Variants in MAP7D2 observed in about 807,000 individuals in gnomAD.
MAP7D2 encodes the protein MAP7 domain containing 2.
In MAP7D2, 33 loss-of-function variants were observed where a neutral mutation model predicts 63.5. The observed-to-expected ratio is 0.52, with a 90% confidence interval of 0.39 to 0.70. MAP7D2 has a LOEUF of 0.70. MAP7D2 is among the 30% of genes least tolerant of loss of function. The probability of loss-of-function intolerance (pLI) is 0.00; values close to 1 mark genes in which losing one functional copy is unlikely to be tolerated. For missense variants in MAP7D2, 626 were observed against 604.0 expected, an observed-to-expected ratio of 1.04 and a Z score of -0.38; for synonymous variants, 224 against 223.7, an observed-to-expected ratio of 1.00 and a Z score of -0.01.
Position 20,063,550 on chromosome X carries a change from T to C in MAP7D2, c.236A>G (p.Lys79Arg). 1 of 1,211,755 alleles carries C rather than the reference T, an allele frequency of 8.3e-7. No individual in the cohort carries two copies. The highest frequency in any genetic ancestry group is 1.1e-6 in the Non-Finnish European group (1 of 895,439). ...GTACTGCAGCCTGGCTCTTTTCTGT[T>C]TCTCCAGGATCTGTTGCTCCCGAGC... ...LAAREQQILE[K>R]QKRARLQYEK... The change falls in exon 3 of 17, where the codon AAA (lysine) becomes AGA (arginine). Residue 79 changes from lysine to arginine, a missense_variant. Physicochemically the swap from Lys to Arg is conservative, Grantham distance 26. Transcript: ENST00000379643.
chrX:20,044,916 A>G (rs2064754886), intron 6 of MAP7D2, among the ~76,000 whole-genome samples: 1 of 111,730 alleles, frequency 9.0e-6, no homozygotes, highest in African/African-American at 3.3e-5. Context: ...CTGAGAACTT[A>G]GATTTCAGGA....
rs538148590 is a variant in MAP7D2 at position 20,078,290 on chromosome X, T to C, written c.131-13485A>G. Among the ~76,000 whole-genome samples, 5 of 112,627 alleles carry C rather than the reference T, an allele frequency of 4.4e-5. No homozygotes were observed. In the South Asian group the frequency reaches 1.8e-3, roughly 41 times the overall value. ...AAATATTATTTAATGCTCACAATAC[T>C]CCTAGGAGGTGGGAGGCACCCCCAT... On this transcript the variant is annotated intron_variant, in intron 1 of 16. Coordinates refer to ENST00000379643, the MANE Select transcript of MAP7D2 (RefSeq NM_001168465.2).
intron 4 of MAP7D2, among the ~76,000 whole-genome samples, chrX:20,053,697 C>G (rs1045043538): frequency 9.0e-6 from 1 of 111,371 alleles, no homozygotes; most frequent in Non-Finnish European, 1.9e-5. Flanking sequence ...AGCCTGAGGC[C>G]AAAAGAAAAA....
chrX:20,010,155 A>AAG (rs2073141640), intron 16 of MAP7D2, among the ~76,000 whole-genome samples: 1 of 112,429 alleles, frequency 8.9e-6, no homozygotes, highest in Admixed American at 9.4e-5. Context: ...ATACCTTACT[A>AAG]CAGAGTGTAT....
chrX:20,063,365 A>T, intron 3 of MAP7D2, 49 bp downstream of exon 3: 1 of 1,183,583 alleles, frequency 8.4e-7, no homozygotes, highest in African/African-American at 1.8e-5. Flanking sequence ...CACTCTGAGC[A>T]GCCTGCTGAG....
intron 7 of MAP7D2, among the ~76,000 whole-genome samples, chrX:20,043,885 C>T (rs1003474252): frequency 8.9e-6 from 1 of 111,764 alleles, no homozygotes; most frequent in African/African-American, 3.3e-5. Context: ...GTAGTCCCAG[C>T]TACTCAGGAG....
chrX:20,057,312 G>A (rs1046400077), intron 3 of MAP7D2, among the ~76,000 whole-genome samples: 5 of 111,327 alleles, frequency 4.5e-5, no homozygotes, highest in Non-Finnish European at 7.5e-5. Context: ...ATAGTGTGAC[G>A]CTTTTCTGCT....
rs183357754 is a variant in MAP7D2, at chrX:20,031,275, G to A, written c.1008-5323C>T. On this transcript the variant is annotated intron_variant, in intron 8 of 16. Coordinates refer to ENST00000379643, the MANE Select transcript of MAP7D2 (RefSeq NM_001168465.2). Reference sequence around the variant, plus strand: ...ACTGCACTCCAGCCTCAGTGACAGAGGGAGTCACCATCTCGAAAAATAAAA... The same window carrying A: ...ACTGCACTCCAGCCTCAGTGACAGAAGGAGTCACCATCTCGAAAAATAAAA... 2.4e-3 allele frequency among the ~76,000 whole-genome samples: 251 copies of A among 104,582 alleles called. 1 individual carries two copies. Among genetic ancestry groups the A allele is most frequent in the African/African-American group, 8.2e-3 (238 of 28,884 alleles). The allele number at this position is 104,582 out of a possible 115,157, so 90.8% of individuals were successfully genotyped here.
chrX:20,084,562 T>TCCCTCC (rs1394581332), intron 1 of MAP7D2, among the ~76,000 whole-genome samples: 1 of 23,437 alleles, frequency 4.3e-5, no homozygotes, highest in African/African-American at 1.7e-4. Flanking sequence ...CCTCCCTCCC[T>TCCCTCC]CTCTCTCTCT....
intron 1 of MAP7D2, among the ~76,000 whole-genome samples, chrX:20,105,116 G>A (rs1243953561): frequency 8.9e-6 from 1 of 111,851 alleles, no homozygotes; most frequent in Non-Finnish European, 1.9e-5. Flanking sequence ...GGCTGCAGGT[G>A]CCTGGTGAGA....
At chrX:20,105,091 C>T (rs1388259460) in intron 1 of MAP7D2, among the ~76,000 whole-genome samples, 2 of 111,826 alleles carry the variant, frequency 1.8e-5, no homozygotes, top group Admixed American at 1.9e-4. Flanking sequence ...GGACATAGAG[C>T]ACTGCTTAAT....
intron 6 of MAP7D2, among the ~76,000 whole-genome samples, chrX:20,048,933 A>G (rs2064870090): frequency 9.2e-6 from 1 of 108,193 alleles, no homozygotes; most frequent in African/African-American, 3.5e-5. Flanking sequence ...AAATACATAT[A>G]CATATATATA....
chrX:20,114,321 G>A (rs1414246131), intron 1 of MAP7D2, among the ~76,000 whole-genome samples: 1 of 112,639 alleles, frequency 8.9e-6, no homozygotes, highest in Non-Finnish European at 1.9e-5. Context: ...GCATGGTGGC[G>A]CAGAAGTTGC....
At chrX:20,113,606 T>C (rs1392184400) in intron 1 of MAP7D2, among the ~76,000 whole-genome samples, 3 of 112,107 alleles carry the variant, frequency 2.7e-5, no homozygotes, top group African/African-American at 6.5e-5. Context: ...TGAAAAAGGA[T>C]GAAGAACTCC....
chrX:20,085,519 A>G (rs2065889827), intron 1 of MAP7D2, among the ~76,000 whole-genome samples: 1 of 111,839 alleles, frequency 8.9e-6, no homozygotes, highest in Non-Finnish European at 1.9e-5. Context: ...GTAACCCAAC[A>G]TTCCGCTCAT....
intron 1 of MAP7D2, among the ~76,000 whole-genome samples, chrX:20,092,962 T>C (rs2066109029): frequency 8.9e-6 from 1 of 112,227 alleles, no homozygotes; most frequent in African/African-American, 3.2e-5. Flanking sequence ...CTCACTCACA[T>C]GGGCCACACA....
At chrX:20,069,746 G>C (rs1374539583) in intron 1 of MAP7D2, among the ~76,000 whole-genome samples, 1 of 108,230 alleles carries the variant, frequency 9.2e-6, no homozygotes, top group Non-Finnish European at 1.9e-5. Context: ...GGGGAAACCA[G>C]GTAAAGGGTA....
chrX:20,090,360 T>C (rs2066034552), intron 1 of MAP7D2, among the ~76,000 whole-genome samples: 1 of 18,060 alleles, frequency 5.5e-5, no homozygotes, highest in Non-Finnish European at 9.0e-5. Flanking sequence ...TGAGACTCTG[T>C]CTCAAAAAAA....
intron 1 of MAP7D2, 88 bp downstream of exon 1, chrX:20,116,662 C>G (rs948088372): frequency 5.7e-6 from 6 of 1,054,934 alleles, no homozygotes; most frequent in Non-Finnish European, 7.4e-6. Flanking sequence ...TCCCCCCACG[C>G]TCGAGGACCT....
Sources: gnomAD v4.1 joint callset for allele counts (sites outside exome capture counted in the v4.1 genomes callset) on GRCh38, gnomAD v4.1.1 for gene constraint, MANE v1.5 for transcripts, NCBI Gene and HGNC (gene_info 2026-07-23, HGNC 2026-07-21) for gene names.